RAPGEF5: variants seen among roughly 807,000 people sequenced by gnomAD.
The protein encoded by RAPGEF5 is Rap guanine nucleotide exchange factor 5, also known as M-Ras-regulated GEF.
RAPGEF5 carries 65 observed loss-of-function variants against 125.2 expected under a neutral mutation model. The ratio of observed to expected loss-of-function variants is 0.52; its 90% confidence interval spans 0.43 to 0.64. RAPGEF5 has a LOEUF of 0.64. Ranked by LOEUF, RAPGEF5 falls within the 30% of genes least tolerant of loss-of-function variation. The pLI is 0.00. For missense variants in RAPGEF5, 958 were observed against 1,048.1 expected (o/e 0.91, Z 1.19); for synonymous variants, 391 against 385.9 (o/e 1.01, Z -0.16).
Position 22,230,826 on chromosome 7 carries a change from T to C in RAPGEF5, c.870+20A>G, listed in dbSNP as rs377444028. 1.0e-3 allele frequency: 1,608 copies of C among 1,553,396 alleles called. 1 individual carries two copies. Among genetic ancestry groups the C allele is most frequent in the Non-Finnish European group, 1.3e-3 (1,494 of 1,143,742 alleles). On this transcript the variant is annotated intron_variant, in intron 8 of 25. Transcript: ENST00000665637. ...AACACAGAAGGGTATGATGAGGGGCTGTCACAGAATTGATCATACCTGAGA... is the reference window on the plus strand; with the variant it reads ...AACACAGAAGGGTATGATGAGGGGCCGTCACAGAATTGATCATACCTGAGA...
chr7:22,269,180 CAAAAAAAAA>C (rs34791723), intron 6 of RAPGEF5, among the ~76,000 whole-genome samples: 76 of 73,882 alleles, frequency 1.0e-3, no homozygotes, highest in African/African-American at 2.4e-3. Context: ...AAGTTTTTGA[CAAAAAAAAA>C]AAAAAAAAAA....
At chr7:22,191,943 G>T (rs1381235835) in intron 11 of RAPGEF5, among the ~76,000 whole-genome samples, 1 of 152,182 alleles carries the variant, frequency 6.6e-6, no homozygotes, top group Non-Finnish European at 1.5e-5. Flanking sequence ...TTAAGAAGAA[G>T]GAAGTATTCA....
intron 2 of RAPGEF5, among the ~76,000 whole-genome samples, chr7:22,315,764 T>A (rs1312171583): frequency 6.6e-6 from 1 of 151,898 alleles, no homozygotes; most frequent in Non-Finnish European, 1.5e-5. Flanking sequence ...AATTTTCTTT[T>A]ACACAAAGTT....
chr7:22,192,694 A>G (rs1425670927), intron 11 of RAPGEF5: 1 of 152,288 alleles, frequency 6.6e-6, no homozygotes. Context: ...CAGGTAAGTC[A>G]TTTTGTAAGT....
Position 22,136,946 on chromosome 7 carries a change from A to C in RAPGEF5, c.2315T>G (p.Leu772Arg). Residue 772 changes from leucine to arginine, a missense_variant, in exon 22 of 26, where the codon CTT becomes CGT. Leu to Arg is a moderately radical substitution (Grantham distance 102). Transcript: ENST00000665637. ...PGKFKKLFSE[L>R]ESLTDPSLNH... The stretch of plus-strand genomic sequence containing the variant: ...TCAACTACTTACTGTTAAACTTTCA[A>C]GTTCAGAGAAAAGTTTCTTAAACTT... 6.3e-7 allele frequency: 1 copy of C among 1,586,442 alleles called. No homozygotes were observed. Among genetic ancestry groups the C allele is most frequent in the Non-Finnish European group, 8.6e-7 (1 of 1,161,630 alleles).
At chr7:22,212,743 C>T (rs1785540357) in intron 9 of RAPGEF5, among the ~76,000 whole-genome samples, 1 of 152,176 alleles carries the variant, frequency 6.6e-6, no homozygotes, top group African/African-American at 2.4e-5. Context: ...CACCAGACTA[C>T]ATGGTAGTAA....
chr7:22,347,600 A>G (rs1784247274), intron 1 of RAPGEF5, among the ~76,000 whole-genome samples: 1 of 152,244 alleles, frequency 6.6e-6, no homozygotes, highest in Non-Finnish European at 1.5e-5. Flanking sequence ...TACATTAATT[A>G]TCTTATTTAG....
intron 15 of RAPGEF5, among the ~76,000 whole-genome samples, chr7:22,157,559 A>T (rs1178483338): frequency 6.6e-6 from 1 of 152,228 alleles, no homozygotes; most frequent in Non-Finnish European, 1.5e-5. Context: ...TGACATAAAC[A>T]TTATTCAAAT....
chr7:22,265,306 C>T (rs1202029817), intron 7 of RAPGEF5, among the ~76,000 whole-genome samples: 2 of 152,146 alleles, frequency 1.3e-5, no homozygotes, highest in Non-Finnish European at 2.9e-5. Flanking sequence ...TACTCTCTAT[C>T]TCAATGAGAT....
chr7:22,194,889 C>G (rs1214392625), intron 9 of RAPGEF5: 3 of 354,656 alleles, frequency 8.5e-6, no homozygotes, highest in Non-Finnish European at 1.2e-5. Context: ...GAGCCATGAA[C>G]ACTTCCAGAG....
At chr7:22,149,151 G>A (rs1783537884) in intron 18 of RAPGEF5, among the ~76,000 whole-genome samples, 1 of 152,158 alleles carries the variant, frequency 6.6e-6, no homozygotes, top group South Asian at 2.1e-4. Context: ...GGGGTTACTG[G>A]AAGTGTTAAA....
At chr7:22,243,598 T>C (rs934009961) in intron 7 of RAPGEF5, among the ~76,000 whole-genome samples, 1 of 152,202 alleles carries the variant, frequency 6.6e-6, no homozygotes, top group Non-Finnish European at 1.5e-5. Flanking sequence ...GCCCAATCTA[T>C]TTCTTAAGTT....
At chr7:22,147,059 A>C in intron 18 of RAPGEF5, 40 bp from the exon 19 acceptor site, 2 of 1,604,614 alleles carry the variant, frequency 1.2e-6, no homozygotes, top group Non-Finnish European at 1.7e-6. Flanking sequence ...GTAATTCCCA[A>C]ATGTTTTGCA....
intron 12 of RAPGEF5, among the ~76,000 whole-genome samples, chr7:22,166,720 C>T (rs1784179042): frequency 6.6e-6 from 1 of 152,188 alleles, no homozygotes; most frequent in Non-Finnish European, 1.5e-5. Context: ...CCTTTAAGTC[C>T]ATTTATTCCA....
intron 5 of RAPGEF5, among the ~76,000 whole-genome samples, chr7:22,291,798 C>T (rs1171029663): frequency 6.6e-6 from 1 of 152,100 alleles, no homozygotes. Flanking sequence ...AACTAAGAAG[C>T]TAAGAATATT....
At chr7:22,335,624 G>C (rs183166195) in intron 1 of RAPGEF5, among the ~76,000 whole-genome samples, 3 of 151,516 alleles carry the variant, frequency 2.0e-5, no homozygotes, top group East Asian at 1.9e-4. Context: ...ACTCTAGGGT[G>C]GGGGGACACA....
intron 4 of RAPGEF5, 122 bp downstream of exon 4, chr7:22,309,847 C>CATTTT: frequency 8.7e-7 from 1 of 1,142,926 alleles, no homozygotes; most frequent in Non-Finnish European, 1.2e-6. Flanking sequence ...AGAGAGAATA[C>CATTTT]AAATATTTAT....
intron 3 of RAPGEF5, among the ~76,000 whole-genome samples, chr7:22,311,446 T>C (rs1252493270): frequency 6.6e-6 from 1 of 152,240 alleles, no homozygotes; most frequent in East Asian, 1.9e-4. Flanking sequence ...CTCTTGTGAT[T>C]GGCATAGTTA....
chr7:22,127,622 A>G (rs772813267), intron 24 of RAPGEF5, among the ~76,000 whole-genome samples: 4 of 152,210 alleles, frequency 2.6e-5, no homozygotes, highest in Non-Finnish European at 5.9e-5. Context: ...ACTTTGTTTC[A>G]TATCACAATA....
Sources: allele counts gnomAD v4.1 joint callset (sites outside exome capture counted in the v4.1 genomes callset), GRCh38; gene constraint gnomAD v4.1.1; transcripts MANE v1.5; gene names NCBI Gene and HGNC (gene_info 2026-07-23, HGNC 2026-07-21).